The following AMD1 variants were observed in gnomAD, a reference collection of about 807,000 sequenced individuals.
The protein encoded by AMD1 is S-adenosylmethionine decarboxylase proenzyme.
Under a neutral mutation model 40.2 loss-of-function variants are expected in AMD1, and 11 were observed. The observed-to-expected ratio is 0.27, with a 90% CI of 0.17 to 0.45. AMD1 has a LOEUF of 0.45. AMD1 is among the 20% of genes least tolerant of loss of function. The pLI is 1.00. For synonymous variants in AMD1, 121 were observed against 130.8 expected (o/e 0.93, Z 0.51); for missense variants, 257 against 410.2 (o/e 0.63, Z 3.23).
the AMD1 span, among the ~76,000 whole-genome samples, chr6:110,825,817 G>A: frequency 6.6e-6 from 1 of 152,130 alleles, no homozygotes; most frequent in African/African-American, 2.4e-5. Context: ...AGTCTACTTA[G>A]TACAGAGCTG....
chr6:110,892,071 G>C, intron 4 of AMD1, 90 bp from the exon 5 acceptor site: 1 of 1,408,880 alleles, frequency 7.1e-7, no homozygotes, highest in Non-Finnish European at 1.0e-6. Context: ...GTGGCAAATA[G>C]TATCATTCTG....
At chr6:110,826,935 A>G in the AMD1 span, among the ~76,000 whole-genome samples, 3 of 151,708 alleles carry the variant, frequency 2.0e-5, no homozygotes, top group Admixed American at 2.0e-4. Context: ...CAGATGATCC[A>G]CCTGACTCGG....
chr6:110,837,934 C>T, the AMD1 span, among the ~76,000 whole-genome samples: 55 of 148,318 alleles, frequency 3.7e-4, no homozygotes, highest in Non-Finnish European at 6.8e-4. Context: ...TGGTGGCACA[C>T]ACCAGTAATC....
the AMD1 span, among the ~76,000 whole-genome samples, chr6:110,860,833 C>CACACACA: frequency 7.8e-6 from 1 of 128,122 alleles, no homozygotes; most frequent in African/African-American, 3.1e-5. Flanking sequence ...AAACACCCAC[C>CACACACA]CACACACACA....
In AMD1 at chr6:110,895,399, C is replaced by T. The variant is rs1157759526; in HGVS notation, c.*1783C>T. On this transcript the variant is annotated 3_prime_UTR_variant, in exon 9 of 9. Coordinates refer to ENST00000368885, the MANE Select transcript of AMD1 (RefSeq NM_001634.6). ...ACCAATGCTTAAGGTGGACTTTGTT[C>T]GTAAACAATATCCCAATAGATTTGT... is the stretch of plus-strand genomic sequence containing the variant. 2.0e-5 allele frequency: 3 copies of T among 152,160 alleles called. No homozygotes were observed. Among genetic ancestry groups the T allele is most frequent in the Admixed American group, 6.6e-5 (1 of 15,266 alleles). The allele number at this position is 152,160 out of a possible 1,614,324, so 9.4% of individuals were successfully genotyped here.
At chr6:110,828,793 G>T in the AMD1 span, among the ~76,000 whole-genome samples, 1 of 152,184 alleles carries the variant, frequency 6.6e-6, no homozygotes, top group Non-Finnish European at 1.5e-5. Context: ...CATGGTCTAA[G>T]GTGAGCTCAG....
chr6:110,870,263 TGA>T (rs1784890478), upstream of AMD1, among the ~76,000 whole-genome samples: 1 of 152,222 alleles, frequency 6.6e-6, no homozygotes, highest in East Asian at 1.9e-4. Flanking sequence ...CCCAAATTTC[TGA>T]GAGTGTAACG....
the AMD1 span, among the ~76,000 whole-genome samples, chr6:110,837,745 A>AATATATATATAT: frequency 5.8e-3 from 104 of 17,824 alleles, 1 homozygote; most frequent in Middle Eastern, 0.071. Flanking sequence ...AAAAAAAAAA[A>AATATATATATAT]ATATATATAT....
At chr6:110,892,481 T>C (rs756408753) in intron 6 of AMD1, 38 bp downstream of exon 6, 32 of 1,605,214 alleles carry the variant, frequency 2.0e-5, no homozygotes, top group Non-Finnish European at 2.4e-5. Flanking sequence ...TGGACTCTTC[T>C]GCGTGGGGAC....
the AMD1 span, among the ~76,000 whole-genome samples, chr6:110,819,316 C>T: frequency 3.3e-5 from 5 of 152,134 alleles, no homozygotes; most frequent in African/African-American, 7.2e-5. Flanking sequence ...AAGATTGCAC[C>T]ATTGCACTCC....
At chr6:110,815,285 C>T in the AMD1 span, 1 of 907,630 alleles carries the variant, frequency 1.1e-6, no homozygotes, top group Non-Finnish European at 1.5e-6. Flanking sequence ...CTCCGCGGTC[C>T]GCCTTCAGCA....
intron 1 of AMD1, among the ~76,000 whole-genome samples, chr6:110,884,696 A>T (rs1310444781): frequency 1.3e-5 from 2 of 152,092 alleles, no homozygotes; most frequent in Non-Finnish European, 2.9e-5. Flanking sequence ...TCTGAACCAC[A>T]GTGCCTGGCC....
upstream of AMD1, among the ~76,000 whole-genome samples, chr6:110,870,591 C>A (rs1433282653): frequency 2.0e-5 from 3 of 152,058 alleles, no homozygotes; most frequent in Admixed American, 6.6e-5. Context: ...GCCACTGCAC[C>A]CCAGCCTGGG....
At chr6:110,855,745 C>A in the AMD1 span, among the ~76,000 whole-genome samples, 3 of 152,090 alleles carry the variant, frequency 2.0e-5, no homozygotes, top group African/African-American at 7.2e-5. Context: ...ATCAGGTATT[C>A]TTTGGTTACA....
the AMD1 span, among the ~76,000 whole-genome samples, chr6:110,841,455 C>T: frequency 6.6e-6 from 1 of 152,224 alleles, no homozygotes; most frequent in Non-Finnish European, 1.5e-5. Flanking sequence ...CATGTCCCAG[C>T]TCGCAGCCTA....
At chr6:110,859,046 C>G in the AMD1 span, 1 of 1,239,936 alleles carries the variant, frequency 8.1e-7, no homozygotes, top group Non-Finnish European at 1.2e-6. Flanking sequence ...ACCCCAAGTT[C>G]TGCCCAGAAG....
intron 1 of AMD1, among the ~76,000 whole-genome samples, chr6:110,879,518 G>C (rs1785292458): frequency 6.6e-6 from 1 of 152,172 alleles, no homozygotes. Context: ...CAAAAGGGAG[G>C]AGGCTTATTT....
the AMD1 span, among the ~76,000 whole-genome samples, chr6:110,845,286 G>A: frequency 0.021 from 3,148 of 151,940 alleles, 93 homozygotes; most frequent in African/African-American, 0.073. Context: ...CGACCCACCT[G>A]TCTTGGCTTC....
chr6:110,885,945 G>C (rs1184069034), intron 1 of AMD1, among the ~76,000 whole-genome samples: 3 of 152,130 alleles, frequency 2.0e-5, no homozygotes, highest in Admixed American at 6.6e-5. Flanking sequence ...CGCTCAAAAG[G>C]TCTTATCTGG....
Sources: gnomAD v4.1 joint callset for allele counts (sites outside exome capture counted in the v4.1 genomes callset) on GRCh38, gnomAD v4.1.1 for gene constraint, MANE v1.5 for transcripts, NCBI Gene and HGNC (gene_info 2026-07-23, HGNC 2026-07-21) for gene names.